Variants in GSE1 observed in about 807,000 individuals in gnomAD.
The protein encoded by GSE1 is genetic suppressor element 1.
A neutral mutation model predicts 112.6 loss-of-function variants in GSE1; 32 were observed. The ratio of observed to expected loss-of-function variants is 0.28; its 90% confidence interval spans 0.21 to 0.38. The LOEUF is 0.38. Ranked by LOEUF, GSE1 falls within the 10% of genes least tolerant of loss-of-function variation. The pLI is 1.00. For synonymous variants in GSE1, 1,115 were observed against 735.6 expected (o/e 1.52, Z -8.35); for missense variants, 2,348 against 1,699.2 (o/e 1.38, Z -6.71).
At chr16:85,585,488 C>G (rs1216481689) in intron 1 of GSE1, among the ~76,000 whole-genome samples, 1 of 146,150 alleles carries the variant, frequency 6.8e-6, no homozygotes, top group Non-Finnish European at 1.5e-5. Context: ...TCTGTGTCGC[C>G]TACGTTTCTC....
intron 13 of GSE1, among the ~76,000 whole-genome samples, chr16:85,667,300 C>T (rs1267883028): frequency 6.6e-6 from 1 of 152,252 alleles, no homozygotes; most frequent in Non-Finnish European, 1.5e-5. Context: ...TCTGCCATAC[C>T]AGTTTGAGCC....
intron 2 of GSE1, among the ~76,000 whole-genome samples, chr16:85,380,524 G>A (rs1249199957): frequency 2.6e-5 from 4 of 150,956 alleles, no homozygotes; most frequent in Non-Finnish European, 4.4e-5. Flanking sequence ...CCCTCCACCC[G>A]CCACCCTGGT....
chr16:85,206,260 T>C (rs1443788494), intron 1 of GSE1, among the ~76,000 whole-genome samples: 1 of 151,244 alleles, frequency 6.6e-6, no homozygotes, highest in Non-Finnish European at 1.5e-5. Context: ...GAGGCGGGCG[T>C]TGGGGGAAGC....
intron 2 of GSE1, among the ~76,000 whole-genome samples, chr16:85,648,032 C>T (rs894988992): frequency 1.3e-5 from 2 of 151,892 alleles, no homozygotes; most frequent in Non-Finnish European, 1.5e-5. Context: ...CTTGGGGTCT[C>T]TGCTGCTTAC....
At chr16:85,561,722 G>A (rs971407737) in intron 1 of GSE1, among the ~76,000 whole-genome samples, 1 of 152,202 alleles carries the variant, frequency 6.6e-6, no homozygotes, top group South Asian at 2.1e-4. Context: ...TATCTCATCC[G>A]GCCTGTCCTA....
At chr16:85,259,379 G>A (rs967620233) in intron 1 of GSE1, among the ~76,000 whole-genome samples, 5 of 152,160 alleles carry the variant, frequency 3.3e-5, no homozygotes, top group African/African-American at 9.7e-5. Flanking sequence ...CCTGCCATGG[G>A]CTCCAGGCAC....
chr16:85,532,109 A>G (rs75623432), intron 2 of GSE1, among the ~76,000 whole-genome samples: 2,781 of 152,276 alleles, frequency 0.018, 33 homozygotes, highest in Non-Finnish European at 0.028. Flanking sequence ...CCATTTTAAT[A>G]TGGTTTGTGT....
chr16:85,593,264 G>A (rs756720654), intron 1 of GSE1: 10 of 152,302 alleles, frequency 6.6e-5, no homozygotes, highest in Non-Finnish European at 1.5e-4. Context: ...CAGCTGGAGG[G>A]ACGGGGCCAG....
chr16:85,585,146 G>A (rs537544304), intron 1 of GSE1, among the ~76,000 whole-genome samples: 1 of 152,380 alleles, frequency 6.6e-6, no homozygotes, highest in East Asian at 1.9e-4. Context: ...TCCACCTGCT[G>A]TTGTCTCTGG....
At chr16:85,244,501 G>A (rs1178554926) in intron 1 of GSE1, among the ~76,000 whole-genome samples, 1 of 152,164 alleles carries the variant, frequency 6.6e-6, no homozygotes, top group Non-Finnish European at 1.5e-5. Flanking sequence ...TTAATTTTAG[G>A]ACACTAAGTT....
chr16:85,355,773 C>T (rs770607229), intron 1 of GSE1, among the ~76,000 whole-genome samples: 5 of 152,110 alleles, frequency 3.3e-5, no homozygotes, highest in Non-Finnish European at 7.3e-5. Context: ...ATAATCCCAG[C>T]GCTTTGGGAG....
intron 1 of GSE1, among the ~76,000 whole-genome samples, chr16:85,208,635 GC>G (rs2075162820): frequency 6.6e-6 from 1 of 151,934 alleles, no homozygotes; most frequent in Non-Finnish European, 1.5e-5. Context: ...GGGCCACTTA[GC>G]CTCAGGCTCT....
At chr16:85,498,078 C>T (rs1014121641) in intron 2 of GSE1, among the ~76,000 whole-genome samples, 8 of 152,072 alleles carry the variant, frequency 5.3e-5, no homozygotes, top group African/African-American at 1.9e-4. Context: ...TGGATCTGGC[C>T]CCAGAGGGGT....
At chr16:85,619,832 G>C (rs2048617725) in intron 1 of GSE1, among the ~76,000 whole-genome samples, 1 of 150,476 alleles carries the variant, frequency 6.6e-6, no homozygotes, top group South Asian at 2.1e-4. Flanking sequence ...GGGAAGAAAG[G>C]GGCCCCGGGG....
chr16:85,651,344 A>G (rs1212023248), intron 3 of GSE1, among the ~76,000 whole-genome samples: 1 of 151,904 alleles, frequency 6.6e-6, no homozygotes, highest in Non-Finnish European at 1.5e-5. Context: ...GGCGCCAGCC[A>G]GACGGAAGCC....
Position 85,673,372 on chromosome 16 carries a change from T to TTAAC in GSE1, c.*836_*839dup, listed in dbSNP as rs567483014. On this transcript the variant is annotated 3_prime_UTR_variant, in exon 16 of 16. Transcript: ENST00000253458. Reference sequence around the variant, plus strand: ...CAAAGTTTTGTATGTTTTTATTACTTTAACTATTGTTATAAAAAGCCTGCC... The same window carrying TTAAC: ...CAAAGTTTTGTATGTTTTTATTACTTTAACTAACTATTGTTATAAAAAGCCTGCC... 1.0e-3 allele frequency: 159 copies of TTAAC among 152,636 alleles called. No individual in the cohort carries two copies. Among genetic ancestry groups the TTAAC allele is most frequent in the African/African-American group, 3.6e-3 (151 of 41,526 alleles). The allele number at this position is 152,636 out of a possible 1,614,324, so 9.5% of individuals were successfully genotyped here.
At chr16:85,364,117 C>A (rs1052220120) in intron 2 of GSE1, among the ~76,000 whole-genome samples, 18 of 152,214 alleles carry the variant, frequency 1.2e-4, no homozygotes, top group African/African-American at 4.3e-4. Context: ...AGGGCCTGTT[C>A]CTTCTGGGGG....
Position 85,487,221 on chromosome 16 carries a change from A to AC in GSE1, c.2464+129585dup, listed in dbSNP as rs974008339. On this transcript the variant is annotated intron_variant, in intron 2 of 2. Coordinates refer to the GSE1 transcript ENST00000637419. ...GCCTCTCACTGGGTGTCACCTCCTCACCCCCCCAGGAAAAATTCTGCATTT... is the reference window on the plus strand; with the variant it reads ...GCCTCTCACTGGGTGTCACCTCCTCACCCCCCCCAGGAAAAATTCTGCATTT... Among the ~76,000 whole-genome samples, 6 of 151,590 alleles carry AC rather than the reference A, an allele frequency of 4.0e-5. No homozygotes were observed. The East Asian group carries it at 5.9e-4, about 15-fold the overall frequency.
In GSE1 at chr16:85,296,828, G is replaced by A. The variant is rs1288072067; in HGVS notation, c.2284-60635G>A. Among the ~76,000 whole-genome samples the A allele has an allele frequency of 3.3e-5, 5 of 151,454 alleles. No homozygotes were observed. In the East Asian group the frequency reaches 5.8e-4, roughly 18 times the overall value. On this transcript the variant is annotated intron_variant, in intron 1 of 2. Transcript: ENST00000637419. ...CTGTCACTTGCTGCATGTAACAGTC[G>A]GGGAGACTGAGGCATGGGCCAGTCC...
Sources: gnomAD v4.1 joint callset for allele counts (sites outside exome capture counted in the v4.1 genomes callset) on GRCh38, gnomAD v4.1.1 for gene constraint, MANE v1.5 for transcripts, NCBI Gene and HGNC (gene_info 2026-07-23, HGNC 2026-07-21) for gene names.